Variants in RBL1 observed in about 807,000 individuals in gnomAD.
RBL1 encodes RB transcriptional corepressor like 1.
In RBL1, 82 loss-of-function variants were observed where a neutral mutation model predicts 123.0. The observed-to-expected ratio is 0.67, with a 90% confidence interval of 0.56 to 0.80. RBL1 has a LOEUF of 0.80. Among genes scored for constraint, RBL1 ranks in the 30% least tolerant of loss-of-function variants. The pLI, the probability that RBL1 is intolerant of heterozygous loss-of-function variation, is 0.00. For synonymous variants in RBL1, 405 were observed against 441.3 expected, an observed-to-expected ratio of 0.92 and a Z score of 1.03; for missense variants, 1,171 against 1,299.6, an observed-to-expected ratio of 0.90 and a Z score of 1.52.
chr20:37,050,579 TAA>T (rs1203682555), intron 11 of RBL1, among the ~76,000 whole-genome samples: 1 of 54,294 alleles, frequency 1.8e-5, no homozygotes, highest in African/African-American at 6.9e-5. Context: ...AAAGGTACAA[TAA>T]AAGAGATAAA....
At position 37,067,378 on chromosome 20, in the gene RBL1, A is replaced by G. The variant is rs538516439; in HGVS notation, c.492-81T>C. On this transcript the variant is annotated intron_variant, in intron 3 of 21. Transcript: ENST00000373664. ...ACTGAAATAGTAAATGTAAATATCAAATAGATCAAATTACACATGAAATTC... is the reference window on the plus strand; with the variant it reads ...ACTGAAATAGTAAATGTAAATATCAGATAGATCAAATTACACATGAAATTC... The G allele has an allele frequency of 5.8e-6, 6 of 1,034,336 alleles. No homozygotes were observed. In the South Asian group the frequency reaches 9.4e-5, roughly 16 times the overall value. The allele number at this position is 1,034,336 out of a possible 1,614,324, so 64.1% of individuals were successfully genotyped here.
chr20:37,017,610 G>A (rs534561967), intron 19 of RBL1, among the ~76,000 whole-genome samples: 225 of 147,292 alleles, frequency 1.5e-3, no homozygotes, highest in Non-Finnish European at 2.4e-3. Context: ...TATATGAACA[G>A]GACATTTTCT....
chr20:37,050,340 G>A (rs1401787792), intron 11 of RBL1, among the ~76,000 whole-genome samples: 1 of 151,594 alleles, frequency 6.6e-6, no homozygotes, highest in Non-Finnish European at 1.5e-5. Flanking sequence ...TCAGGAGATC[G>A]AGACCATCCT....
chr20:37,003,925 C>A, intron 20 of RBL1, 59 bp from the exon 21 acceptor site: 1 of 1,444,732 alleles, frequency 6.9e-7, no homozygotes, highest in South Asian at 1.4e-5. Flanking sequence ...TTTTGAATCC[C>A]ATATTTTTAT....
At chr20:37,017,009 C>T (rs547233264) in intron 19 of RBL1, among the ~76,000 whole-genome samples, 5 of 151,306 alleles carry the variant, frequency 3.3e-5, no homozygotes, top group Non-Finnish European at 5.9e-5. Context: ...GAAGACGAGA[C>T]GAGACGAGAC....
intron 17 of RBL1, among the ~76,000 whole-genome samples, chr20:37,021,344 C>T (rs527720439): frequency 4.6e-5 from 7 of 152,170 alleles, no homozygotes; most frequent in Non-Finnish European, 8.8e-5. Context: ...AGTGCTAAAC[C>T]TGTTCTCTAT....
rs369485793 is a variant in RBL1 at position 37,019,019 on chromosome 20, C to G, written c.2632-650G>C. Among the ~76,000 whole-genome samples the G allele has an allele frequency of 2.6e-5, 4 of 152,020 alleles. No homozygotes were observed. The East Asian group carries it at 5.8e-4, about 22-fold the overall frequency. ...ATTAATTCCTCCTTCTTCTTAATTC[C>G]TTACACAACAATCAATTGGTCTTTT... On this transcript the variant is annotated intron_variant, in intron 18 of 21. Transcript: ENST00000373664.
chr20:37,055,690 T>C (rs370815760), intron 10 of RBL1, 34 bp from the exon 11 acceptor site: 20 of 1,563,790 alleles, frequency 1.3e-5, no homozygotes, highest in Non-Finnish European at 1.6e-5. Flanking sequence ...CATGTGTTAA[T>C]GAATTTTAGT....
rs199928240 is a variant in RBL1 at position 37,003,886 on chromosome 20, AG to A, written c.2872-21del. The A allele has an allele frequency of 3.0e-3, 4,681 of 1,567,718 alleles. 122 individuals are homozygous for A. In the African/African-American group the frequency reaches 0.055, roughly 18 times the overall value. The stretch of plus-strand genomic sequence containing the variant: ...ATCCATCTAAAATAACCCAAAAGTC[AG>A]ATTTTTTAGATAAAAGTTTTTCTTT... On this transcript the variant is annotated intron_variant, in intron 20 of 21. Transcript: ENST00000373664.
intron 18 of RBL1, among the ~76,000 whole-genome samples, chr20:37,019,065 A>G (rs192081992): frequency 3.8e-4 from 57 of 150,902 alleles, no homozygotes; most frequent in African/African-American, 1.3e-3. Context: ...TTTTTTAGAG[A>G]CAGGGTCTCA....
intron 1 of RBL1, among the ~76,000 whole-genome samples, chr20:37,095,528 C>A (rs533027038): frequency 6.6e-6 from 1 of 152,306 alleles, no homozygotes; most frequent in Admixed American, 6.5e-5. Context: ...GAAGTGTGGT[C>A]AGGAAGCCTG....
At chr20:37,053,479 T>A (rs915934799) in intron 11 of RBL1, among the ~76,000 whole-genome samples, 3 of 152,118 alleles carry the variant, frequency 2.0e-5, no homozygotes, top group Admixed American at 1.3e-4. Flanking sequence ...CTGACTAGGG[T>A]TGGGGCCCGC....
At chr20:37,060,216 A>AT (rs1253217679) in intron 9 of RBL1, among the ~76,000 whole-genome samples, 9 of 151,928 alleles carry the variant, frequency 5.9e-5, no homozygotes, top group Non-Finnish European at 1.3e-4. Context: ...AAATAAATCC[A>AT]TTTTTATGGC....
At chr20:37,054,489 AT>A (rs2064971226) in intron 11 of RBL1, among the ~76,000 whole-genome samples, 1 of 151,782 alleles carries the variant, frequency 6.6e-6, no homozygotes, top group Admixed American at 6.6e-5. Context: ...ATCTAAAAAA[AT>A]AAATAAATAA....
chr20:37,022,628 C>A lies in RBL1; in HGVS notation c.2559+22G>T, dbSNP rs200444371. ...ACGTGTGAGCCACCATGCCCAGCCT[C>A]TTCTCCCAATTTATACATTACCTTT... On this transcript the variant is annotated intron_variant, in intron 17 of 21. Coordinates refer to ENST00000373664, the MANE Select transcript of RBL1 (RefSeq NM_002895.5). 1.9e-6 allele frequency: 3 copies of A among 1,583,022 alleles called. No homozygotes were observed. The East Asian group carries it at 6.7e-5, about 36-fold the overall frequency.
chr20:37,030,785 G>A (rs1262138714), intron 16 of RBL1, among the ~76,000 whole-genome samples: 1 of 151,758 alleles, frequency 6.6e-6, no homozygotes, highest in Non-Finnish European at 1.5e-5. Context: ...AACCCGGGAG[G>A]CAGGGGTTGC....
chr20:37,038,597 C>G (rs946068749), intron 14 of RBL1, among the ~76,000 whole-genome samples: 18 of 144,298 alleles, frequency 1.2e-4, no homozygotes, highest in Non-Finnish European at 2.0e-4. Context: ...CTGTGCCTGG[C>G]CTTTTTTTTT....
chr20:37,034,200 G>A (rs558068570), intron 15 of RBL1, among the ~76,000 whole-genome samples: 1 of 152,208 alleles, frequency 6.6e-6, no homozygotes, highest in South Asian at 2.1e-4. Context: ...GTCTCCCAAA[G>A]TGCTGGGATT....
At chr20:37,032,913 T>A in intron 15 of RBL1, 37 bp from the exon 16 acceptor site, 3 of 1,609,392 alleles carry the variant, frequency 1.9e-6, no homozygotes, top group Non-Finnish European at 1.7e-6. Flanking sequence ...AATCTGCATA[T>A]GTTCTAGGAA....
Sources: gnomAD v4.1 joint callset for allele counts (sites outside exome capture counted in the v4.1 genomes callset) on GRCh38, gnomAD v4.1.1 for gene constraint, MANE v1.5 for transcripts, NCBI Gene and HGNC (gene_info 2026-07-23, HGNC 2026-07-21) for gene names.